Variants in AMPH observed in about 807,000 individuals in gnomAD.
AMPH encodes the protein amphiphysin (Stiff-Mann syndrome with breast cancer 128kD autoantigen).
In AMPH, 49 loss-of-function variants were observed where a neutral mutation model predicts 99.1. That is an observed-to-expected ratio of 0.49 (90% CI 0.39 to 0.63). The LOEUF is 0.63. Ranked by LOEUF, AMPH falls within the 20% of genes least tolerant of loss-of-function variation. The probability of loss-of-function intolerance (pLI) is 0.00; values close to 1 mark genes in which losing one functional copy is unlikely to be tolerated. For missense variants in AMPH, 759 were observed against 863.4 expected (o/e 0.88, Z 1.52); for synonymous variants, 314 against 317.3 (o/e 0.99, Z 0.11).
rs1030521865 is a variant in AMPH, at chr7:38,384,864, G to A, written c.2042C>T (p.Thr681Ile). The A allele has an allele frequency of 6.2e-7, 1 of 1,613,986 alleles. No homozygotes were observed. The change falls in exon 21 of 21, where the codon ACC becomes ATC. Residue 681 changes from threonine to isoleucine, a missense_variant. By Grantham distance (89) the Thr-to-Ile change is moderately conservative. Around this residue, in one of 2 missense-constraint regions of AMPH, gnomAD observed 554 missense variants for 575.6 expected, o/e 0.96. Coordinates refer to ENST00000356264, the MANE Select transcript of AMPH (RefSeq NM_001635.4). ...GTTCTCTGGAAAGAGGCCTTTGTAG[G>A]TGGCAAGGTCTCTGTACTGAAGCCA... is the stretch of plus-strand genomic sequence containing the variant. ...SDWLQYRDLA[T>I]YKGLFPENFT...
At chr7:38,565,897 G>C (rs569487646) in intron 1 of AMPH, among the ~76,000 whole-genome samples, 24 of 152,218 alleles carry the variant, frequency 1.6e-4, no homozygotes, top group Admixed American at 1.3e-3. Context: ...AAGAGAAAAT[G>C]CTACTAGGCT....
chr7:38,593,338 G>A (rs573706565), intron 1 of AMPH, among the ~76,000 whole-genome samples: 1 of 152,142 alleles, frequency 6.6e-6, no homozygotes, highest in South Asian at 2.1e-4. Context: ...ATAAGATAAA[G>A]AAAAAGAAAA....
At chr7:38,433,991 G>C (rs1786159072) in intron 12 of AMPH, among the ~76,000 whole-genome samples, 1 of 152,094 alleles carries the variant, frequency 6.6e-6, no homozygotes, top group Non-Finnish European at 1.5e-5. Context: ...TGAGTGAAGA[G>C]GAAAGAAACC....
chr7:38,535,107 T>TACTCCTCA, intron 1 of AMPH, 96 bp from the exon 2 acceptor site: 1 of 1,087,458 alleles, frequency 9.2e-7, no homozygotes, highest in Non-Finnish European at 1.4e-6. Context: ...TGTTTTGCTC[T>TACTCCTCA]GAGGAGTAGA....
At chr7:38,441,398 T>C (rs578074098) in intron 11 of AMPH, among the ~76,000 whole-genome samples, 1 of 152,226 alleles carries the variant, frequency 6.6e-6, no homozygotes, top group Admixed American at 6.5e-5. Context: ...ACTTATAACA[T>C]TCTATCCAAC....
At chr7:38,410,558 C>G (rs1785184591) in intron 17 of AMPH, among the ~76,000 whole-genome samples, 2 of 152,204 alleles carry the variant, frequency 1.3e-5, no homozygotes. Flanking sequence ...GCCATAAACA[C>G]AGGGTGCTCT....
intron 5 of AMPH, among the ~76,000 whole-genome samples, chr7:38,483,549 T>C (rs1280738109): frequency 6.6e-6 from 1 of 152,122 alleles, no homozygotes; most frequent in Non-Finnish European, 1.5e-5. Context: ...CTCAGAGCAC[T>C]GAAATGACCC....
chr7:38,466,999 G>T (rs1787682339), intron 7 of AMPH, among the ~76,000 whole-genome samples: 2 of 151,966 alleles, frequency 1.3e-5, no homozygotes, highest in African/African-American at 2.4e-5. Flanking sequence ...TCTTTTAATT[G>T]ATTTTAAAAG....
At chr7:38,466,828 C>T (rs566050910) in intron 7 of AMPH, among the ~76,000 whole-genome samples, 4 of 152,000 alleles carry the variant, frequency 2.6e-5, no homozygotes, top group African/African-American at 7.3e-5. Context: ...AAAATAAGAG[C>T]GTGTCATCAC....
At chr7:38,474,920 GA>G (rs149340373) in intron 7 of AMPH, among the ~76,000 whole-genome samples, 3,811 of 152,188 alleles carry the variant, frequency 0.025, 163 homozygotes, top group African/African-American at 0.087. Flanking sequence ...TGGAATAAAG[GA>G]AGTTCCTCCA....
chr7:38,486,849 T>C (rs1441412226), intron 5 of AMPH, among the ~76,000 whole-genome samples: 2 of 152,060 alleles, frequency 1.3e-5, no homozygotes, highest in Non-Finnish European at 2.9e-5. Flanking sequence ...TCAGTAGATG[T>C]AGAAAATGCA....
At chr7:38,502,637 C>T (rs1230938804) in intron 3 of AMPH, among the ~76,000 whole-genome samples, 1 of 152,168 alleles carries the variant, frequency 6.6e-6, no homozygotes, top group African/African-American at 2.4e-5. Context: ...GGATGTAGTT[C>T]TCCTGCCCAG....
intron 3 of AMPH, among the ~76,000 whole-genome samples, chr7:38,495,805 G>T (rs559474895): frequency 6.0e-4 from 92 of 152,242 alleles, no homozygotes; most frequent in African/African-American, 2.2e-3. Context: ...CAACATTAAA[G>T]AATAGCATTA....
chr7:38,631,364 G>C lies in AMPH; in HGVS notation c.-13C>G, dbSNP rs1434204366. 3.2e-6 allele frequency: 5 copies of C among 1,541,496 alleles called. No homozygotes were observed. The African/African-American group carries it at 4.2e-5, about 13-fold the overall frequency. Reference sequence around the variant, plus strand: ...TGATGTCGGCCATGGCTGCGGGTCCGGGGAGCTGCGAAGAGCAGAGCGCGC... The same window carrying C: ...TGATGTCGGCCATGGCTGCGGGTCCCGGGAGCTGCGAAGAGCAGAGCGCGC... On this transcript the variant is annotated 5_prime_UTR_variant, in exon 1 of 21. Transcript: ENST00000356264.
intron 2 of AMPH, among the ~76,000 whole-genome samples, chr7:38,508,377 C>T (rs527866818): frequency 1.6e-4 from 25 of 152,266 alleles, no homozygotes; most frequent in African/African-American, 5.8e-4. Flanking sequence ...TAGGCAATGG[C>T]CTGTTGAATT....
At chr7:38,536,003 C>T (rs1790584879) in intron 1 of AMPH, among the ~76,000 whole-genome samples, 2 of 152,014 alleles carry the variant, frequency 1.3e-5, no homozygotes, top group African/African-American at 2.4e-5. Flanking sequence ...TCTGATACTC[C>T]CTTCAACTCA....
chr7:38,487,629 T>A (rs1440955083), intron 5 of AMPH, among the ~76,000 whole-genome samples: 1 of 152,062 alleles, frequency 6.6e-6, no homozygotes, highest in African/African-American at 2.4e-5. Context: ...ACTGCACGAC[T>A]AAAACACCAA....
rs192002461 is a variant in AMPH at position 38,495,240 on chromosome 7, G to A, written c.206-713C>T. 2.8e-3 allele frequency among the ~76,000 whole-genome samples: 430 copies of A among 152,144 alleles called. 1 individual carries two copies. The highest frequency in any genetic ancestry group is 0.024 in the Middle Eastern group (7 of 292). ...GTTAAGTTACCAGGACATATTTTTC[G>A]TCACAGACACATCACAAAACTTCTA... is the stretch of plus-strand genomic sequence containing the variant. On this transcript the variant is annotated intron_variant, in intron 3 of 20. Coordinates refer to ENST00000356264, the MANE Select transcript of AMPH (RefSeq NM_001635.4).
chr7:38,614,989 G>T lies in AMPH; in HGVS notation c.69+16294C>A, dbSNP rs1455483094. Among the ~76,000 whole-genome samples the T allele has an allele frequency of 2.6e-5, 4 of 152,122 alleles. No individual in the cohort carries two copies. The East Asian group carries it at 7.7e-4, about 29-fold the overall frequency. Reference sequence around the variant, plus strand: ...CGTAAAGCAATGAATGAAATGTAAAGGCATAAAACCTTTTCAGGTGCCAGA... The same window carrying T: ...CGTAAAGCAATGAATGAAATGTAAATGCATAAAACCTTTTCAGGTGCCAGA... On this transcript the variant is annotated intron_variant, in intron 1 of 20. Transcript: ENST00000356264.
Sources: allele counts gnomAD v4.1 joint callset (sites outside exome capture counted in the v4.1 genomes callset), GRCh38; gene constraint gnomAD v4.1.1; regional missense constraint gnomAD v4.1.1; transcripts MANE v1.5; gene names NCBI Gene and HGNC (gene_info 2026-07-23, HGNC 2026-07-21).